The following ARHGAP27 variants were observed in gnomAD, a reference collection of about 807,000 sequenced individuals.
ARHGAP27 encodes rho GTPase-activating protein 27.
ARHGAP27 carries 53 observed loss-of-function variants against 102.0 expected under a neutral mutation model. The observed-to-expected ratio is 0.52, with a 90% CI of 0.42 to 0.65. The LOEUF is 0.65. Ranked by LOEUF, ARHGAP27 falls within the 30% of genes least tolerant of loss-of-function variation. The pLI, the probability that ARHGAP27 is intolerant of heterozygous loss-of-function variation, is 0.00. For missense variants in ARHGAP27, 1,117 were observed against 1,256.2 expected (o/e 0.89, Z 1.68); for synonymous variants, 525 against 542.8 (o/e 0.97, Z 0.46).
intron 4 of ARHGAP27, chr17:45,410,220 A>G (rs1345884450): frequency 8.5e-6 from 13 of 1,533,552 alleles, no homozygotes; most frequent in Non-Finnish European, 1.1e-5. Context: ...CCTTGACCCC[A>G]GCATCCCCTA....
At chr17:45,402,324 C>T (rs2046535274) in intron 12 of ARHGAP27, among the ~76,000 whole-genome samples, 1 of 152,174 alleles carries the variant, frequency 6.6e-6, no homozygotes, top group Non-Finnish European at 1.5e-5. Context: ...TACTCCTCAC[C>T]ACCCTCCAGG....
rs574696804 is a variant in ARHGAP27, at chr17:45,430,845, C to T, written c.-18-548G>A. Among the ~76,000 whole-genome samples, 2 of 152,242 alleles carry T rather than the reference C, an allele frequency of 1.3e-5. No homozygotes were observed. Among genetic ancestry groups the T allele is most frequent in the African/African-American group, 4.8e-5 (2 of 41,542 alleles). ...CCTGGTCAGAGTTGGAATGTGGGCTCTGTAGGGGGCCGAGCGAACAGCTCT... is the reference window on the plus strand; with the variant it reads ...CCTGGTCAGAGTTGGAATGTGGGCTTTGTAGGGGGCCGAGCGAACAGCTCT... On this transcript the variant is annotated intron_variant, in intron 3 of 19. Transcript: ENST00000685559. The surrounding 1 kb of genome is among the most constrained non-coding windows in gnomAD (Gnocchi z 4.4).
chr17:45,404,945 G>A lies in ARHGAP27; in HGVS notation c.1227C>T (p.Thr409=). 1 of 1,614,152 alleles carries A rather than the reference G, an allele frequency of 6.2e-7. No homozygotes were observed. Among genetic ancestry groups the A allele is most frequent in the Non-Finnish European group, 8.5e-7 (1 of 1,180,016 alleles). Residue 409 remains threonine, a synonymous_variant, in exon 6 of 20, where the codon ACC becomes ACT. Coordinates refer to ENST00000685559, the MANE Select transcript of ARHGAP27 (RefSeq NM_001282290.2). Reference sequence around the variant, plus strand: ...CTACCTGCTCCTGAGTGAAGTGGTTGGTGTAGAGCATCTGCTTGTCCTGGC... The same window carrying A: ...CTACCTGCTCCTGAGTGAAGTGGTTAGTGTAGAGCATCTGCTTGTCCTGGC... ...HVSQDKQMLY[T]NHFTQEQWVR...
At chr17:45,416,537 G>A (rs1164471312) in intron 4 of ARHGAP27, among the ~76,000 whole-genome samples, 1 of 148,986 alleles carries the variant, frequency 6.7e-6, no homozygotes, top group Non-Finnish European at 1.5e-5. Context: ...TAGGCAATAA[G>A]TAACTGTATT....
chr17:45,425,727 A>G, intron 4 of ARHGAP27: 3 of 832,244 alleles, frequency 3.6e-6, no homozygotes, highest in South Asian at 5.4e-5. Context: ...GGCGGGCTCC[A>G]GGCCAGCTCC....
chr17:45,419,843 G>C (rs1427666227), intron 4 of ARHGAP27, among the ~76,000 whole-genome samples: 1 of 151,880 alleles, frequency 6.6e-6, no homozygotes, highest in Non-Finnish European at 1.5e-5. Flanking sequence ...AAAAAAAGGG[G>C]GGGAACAAAC....
rs768344977 is a variant in ARHGAP27, at chr17:45,395,991, G to T, written c.2378C>A (p.Ala793Glu). The T allele has an allele frequency of 2.5e-6, 4 of 1,609,784 alleles. No homozygotes were observed. The highest frequency in any genetic ancestry group is 1.7e-6 in the Non-Finnish European group (2 of 1,177,556). ...FPFSHFRQFI[A>E]AIKLQDQARR... ...CTGCCCCAGGTGCTCACTGATGGCCGCAATGAACTGGCGGAAGTGCGAGAA... is the reference window on the plus strand; with the variant it reads ...CTGCCCCAGGTGCTCACTGATGGCCTCAATGAACTGGCGGAAGTGCGAGAA... The change falls in exon 18 of 20, where the codon GCG (alanine) becomes GAG (glutamate). Residue 793 changes from alanine to glutamate, a missense_variant. Transcript: ENST00000685559.
At chr17:45,420,107 T>G (rs1567728203) in intron 4 of ARHGAP27, among the ~76,000 whole-genome samples, 1 of 152,192 alleles carries the variant, frequency 6.6e-6, no homozygotes, top group Non-Finnish European at 1.5e-5. Flanking sequence ...TTTTTCCTAC[T>G]TCTACCTGTA....
At chr17:45,399,259 CT>C (rs1490375146) in intron 12 of ARHGAP27, among the ~76,000 whole-genome samples, 1 of 152,174 alleles carries the variant, frequency 6.6e-6, no homozygotes, top group Admixed American at 6.5e-5. Flanking sequence ...CTTTGCTGTC[CT>C]TTTAAACTTA....
chr17:45,402,862 T>C (rs1267645283), intron 11 of ARHGAP27, 44 bp from the exon 12 acceptor site: 10 of 1,497,032 alleles, frequency 6.7e-6, no homozygotes, highest in Non-Finnish European at 6.5e-6. Flanking sequence ...TCAGTTCAGA[T>C]GTGTCTGCTG....
At chr17:45,414,507 G>T (rs2048243121) in intron 4 of ARHGAP27, among the ~76,000 whole-genome samples, 1 of 151,190 alleles carries the variant, frequency 6.6e-6, no homozygotes, top group South Asian at 2.1e-4. Context: ...GCACGATCAT[G>T]GTTCACTGCA....
In ARHGAP27 at chr17:45,431,383, C is replaced by T. The variant is rs552762685; in HGVS notation, c.-19+238G>A. 3.3e-4 allele frequency among the ~76,000 whole-genome samples: 51 copies of T among 152,344 alleles called. No homozygotes were observed. The East Asian group carries it at 8.5e-3, about 25-fold the overall frequency. Reference sequence around the variant, plus strand: ...TTCCTGCCCCCTAAGGTGGCCCGGACCCGGGGCCAGGAGACCGCCGCTTGC... The same window carrying T: ...TTCCTGCCCCCTAAGGTGGCCCGGATCCGGGGCCAGGAGACCGCCGCTTGC... On this transcript the variant is annotated intron_variant, in intron 3 of 19. Transcript: ENST00000685559.
chr17:45,428,648 G>A (rs571622274), intron 4 of ARHGAP27, among the ~76,000 whole-genome samples: 1 of 152,280 alleles, frequency 6.6e-6, no homozygotes, highest in East Asian at 1.9e-4. Flanking sequence ...AATGACATCA[G>A]GTACAGCGAA....
rs2045378250 is a variant in ARHGAP27, at chr17:45,394,585, G to T, written c.*871C>A. The T allele has an allele frequency of 6.6e-6, 1 of 152,304 alleles. No homozygotes were observed. Among genetic ancestry groups the T allele is most frequent in the Admixed American group, 6.5e-5 (1 of 15,286 alleles). 9.4% of individuals were successfully genotyped at this position (152,304 alleles called of 1,614,324 possible). ...CCTTTCTTTTCACATAGGCCCAAAGGTTGGATGGGTGGTAGCTGAAAGAAC... is the reference window on the plus strand; with the variant it reads ...CCTTTCTTTTCACATAGGCCCAAAGTTTGGATGGGTGGTAGCTGAAAGAAC... On this transcript the variant is annotated 3_prime_UTR_variant, in exon 20 of 20. Transcript: ENST00000685559.
In ARHGAP27 at chr17:45,414,930, G is replaced by A. The variant is rs565084970; in HGVS notation, c.658-8847C>T. Among the ~76,000 whole-genome samples, 264 of 144,446 alleles carry A rather than the reference G, an allele frequency of 1.8e-3. 3 individuals carry two copies. In the East Asian group the frequency reaches 0.02, roughly 11 times the overall value. The allele number at this position is 144,446 out of a possible 152,430, so 94.8% of individuals were successfully genotyped here. ...AAAAAAAAAAAAAAAAAAAATAGGC[G>A]TGGTGGCAGTTGCCTGTAGTCCCAG... On this transcript the variant is annotated intron_variant, in intron 4 of 19. Coordinates refer to ENST00000685559, the MANE Select transcript of ARHGAP27 (RefSeq NM_001282290.2).
chr17:45,410,011 C>T, intron 4 of ARHGAP27: 1 of 594,478 alleles, frequency 1.7e-6, no homozygotes, highest in South Asian at 2.1e-5. Context: ...CACCCCTTAT[C>T]TCCAGTTCCC....
intron 4 of ARHGAP27, among the ~76,000 whole-genome samples, chr17:45,423,837 G>A (rs537653300): frequency 7.2e-5 from 11 of 152,334 alleles, no homozygotes; most frequent in East Asian, 1.9e-4. Context: ...CAAGAGATAC[G>A]CATAAGAAGG....
At chr17:45,402,590 CAG>C in intron 12 of ARHGAP27, 122 bp downstream of exon 12, 2 of 827,442 alleles carry the variant, frequency 2.4e-6, no homozygotes, top group Non-Finnish European at 3.8e-6. Context: ...AAGCTGCACT[CAG>C]TGTTGGCTCA....
rs1193183414 is a variant in ARHGAP27 at position 45,429,647 on chromosome 17, C to T, written c.633G>A (p.Pro211=). 1.3e-6 allele frequency: 2 copies of T among 1,580,446 alleles called. No homozygotes were observed. The highest frequency in any genetic ancestry group is 1.7e-6 in the Non-Finnish European group (2 of 1,163,106). ...VYEVIQDLHV[P]PPEESAEQVD... is the part of the protein sequence containing the mutation. ...CCTGCTCTGCGCTCTCCTCCGGCGG[C>T]GGGACGTGCAAGTCCTGGATGACCT... Residue 211 remains proline, a synonymous_variant, in exon 4 of 20, where the codon CCG becomes CCA. Coordinates refer to ENST00000685559, the MANE Select transcript of ARHGAP27 (RefSeq NM_001282290.2).
Sources: gnomAD v4.1 joint callset for allele counts (sites outside exome capture counted in the v4.1 genomes callset) on GRCh38, gnomAD v4.1.1 for gene constraint, Gnocchi (gnomAD v3.1) non-coding constraint, MANE v1.5 for transcripts, NCBI Gene and HGNC (gene_info 2026-07-23, HGNC 2026-07-21) for gene names.